MED27: variants seen among roughly 807,000 people sequenced by gnomAD.
MED27 encodes the protein mediator of RNA polymerase II transcription subunit 27.
MED27 carries 30 observed loss-of-function variants against 38.2 expected under a neutral mutation model. That is an observed-to-expected ratio of 0.79 (90% CI 0.59 to 1.07). MED27 has a LOEUF of 1.07. Ranked by LOEUF, MED27 falls within the 50% of genes least tolerant of loss-of-function variation. The pLI is 0.00. For synonymous variants in MED27, 122 were observed against 153.5 expected (o/e 0.79, Z 1.52); for missense variants, 289 against 397.5 (o/e 0.73, Z 2.32).
At chr9:132,069,903 T>C (rs150236616) in intron 2 of MED27, among the ~76,000 whole-genome samples, 2 of 152,342 alleles carry the variant, frequency 1.3e-5, no homozygotes, top group Non-Finnish European at 2.9e-5. Context: ...TTCTCCTGAC[T>C]GCACACCGCC....
chr9:132,068,891 C>T (rs970249240), intron 2 of MED27, among the ~76,000 whole-genome samples: 1 of 152,138 alleles, frequency 6.6e-6, no homozygotes, highest in South Asian at 2.1e-4. Flanking sequence ...TGAGATGGCC[C>T]AGAGAAGGGA....
chr9:131,973,458 T>TTTC (rs1491296571), intron 3 of MED27, among the ~76,000 whole-genome samples: 55 of 54,544 alleles, frequency 1.0e-3, no homozygotes, highest in African/African-American at 5.1e-3. Flanking sequence ...TTTTCTTTTC[T>TTTC]TTTTTTTTTT....
At chr9:131,898,987 C>T (rs1302842181) in intron 4 of MED27, among the ~76,000 whole-genome samples, 2 of 152,210 alleles carry the variant, frequency 1.3e-5, no homozygotes, top group African/African-American at 4.8e-5. Context: ...GGCCTAGCTA[C>T]CTACCTTCTC....
chr9:132,046,710 G>C (rs1420657812), intron 2 of MED27, among the ~76,000 whole-genome samples: 2 of 152,132 alleles, frequency 1.3e-5, no homozygotes, highest in African/African-American at 4.8e-5. Flanking sequence ...AAAATGTTGA[G>C]GGTAGAGAAA....
intron 2 of MED27, among the ~76,000 whole-genome samples, chr9:132,017,980 AG>A (rs1449763219): frequency 1.3e-5 from 2 of 152,194 alleles, no homozygotes; most frequent in African/African-American, 4.8e-5. Context: ...GTTGTCAGGC[AG>A]GGTCCTGACG....
intron 4 of MED27, among the ~76,000 whole-genome samples, chr9:131,899,810 G>A (rs146716345): frequency 8.7e-4 from 133 of 152,286 alleles, no homozygotes; most frequent in African/African-American, 3.0e-3. Flanking sequence ...AGTTTCTAAC[G>A]TATCTGCATG....
At chr9:131,965,699 C>A (rs777153336) in intron 3 of MED27, among the ~76,000 whole-genome samples, 4 of 152,008 alleles carry the variant, frequency 2.6e-5, no homozygotes, top group Non-Finnish European at 4.4e-5. Flanking sequence ...GTCTACATGT[C>A]GATTAAAGTC....
chr9:131,913,853 C>T lies in MED27; in HGVS notation c.574-19861G>A, dbSNP rs1830234586. Among the ~76,000 whole-genome samples, 1 of 152,184 alleles carries T rather than the reference C, an allele frequency of 6.6e-6. No individual in the cohort carries two copies. Among genetic ancestry groups the T allele is most frequent in the African/African-American group, 2.4e-5 (1 of 41,432 alleles). On this transcript the variant is annotated intron_variant, in intron 4 of 7. Transcript: ENST00000292035. The surrounding 1 kb of genome is among the most constrained non-coding windows in gnomAD (Gnocchi z 4.5). ...ATTCCCTGAGCCACTGGCGTGGTAC[C>T]AAACGCAGGACAGCACTCTGCCAGT...
At chr9:131,933,245 G>C (rs1009461969) in intron 4 of MED27, among the ~76,000 whole-genome samples, 16 of 152,076 alleles carry the variant, frequency 1.1e-4, no homozygotes, top group Admixed American at 3.9e-4. Context: ...CATAATACTG[G>C]AAGTCCTAGC....
At chr9:132,004,043 C>T (rs1000572772) in intron 3 of MED27, among the ~76,000 whole-genome samples, 2 of 152,064 alleles carry the variant, frequency 1.3e-5, no homozygotes, top group African/African-American at 4.8e-5. Flanking sequence ...CCAGGACTTC[C>T]TCCTAGCTTT....
chr9:132,008,555 A>G (rs2131068109), intron 3 of MED27, among the ~76,000 whole-genome samples: 1 of 152,322 alleles, frequency 6.6e-6, no homozygotes, highest in South Asian at 2.1e-4. Flanking sequence ...TTGGAGGGGG[A>G]GAAAGATATG....
At chr9:132,005,182 G>A (rs966171946) in intron 3 of MED27, among the ~76,000 whole-genome samples, 3 of 152,116 alleles carry the variant, frequency 2.0e-5, no homozygotes, top group African/African-American at 4.8e-5. Flanking sequence ...CTTCTCTGAC[G>A]CCTCAGATGA....
chr9:132,079,829 T>C lies in MED27; in HGVS notation c.16A>G (p.Asn6Asp). 1 of 1,598,006 alleles carries C rather than the reference T, an allele frequency of 6.3e-7. No individual in the cohort carries two copies. Among genetic ancestry groups the C allele is most frequent in the Non-Finnish European group, 8.5e-7 (1 of 1,172,188 alleles). ...AAGGCCTCCAGGTTCACACTGACAT[T>C]TATCACGTCCGCCATGTTGCCGCCG... MADVINVSVNLEAFSQ... is the reference protein window; with the variant it reads MADVIDVSVNLEAFSQ... Residue 6 changes from asparagine (N) to aspartate (D), a missense_variant, in exon 1 of 8, where the codon AAT becomes GAT. By Grantham distance (23) the Asn-to-Asp change is conservative. Coordinates refer to ENST00000292035, the MANE Select transcript of MED27 (RefSeq NM_004269.4).
At chr9:132,045,279 G>C (rs1470072797) in intron 2 of MED27, among the ~76,000 whole-genome samples, 3 of 152,020 alleles carry the variant, frequency 2.0e-5, no homozygotes, top group African/African-American at 7.3e-5. Flanking sequence ...CATATCTATC[G>C]ATACAAGAAA....
chr9:131,879,908 T>C (rs1008586601), intron 6 of MED27, among the ~76,000 whole-genome samples: 5 of 152,004 alleles, frequency 3.3e-5, no homozygotes, highest in African/African-American at 1.2e-4. Flanking sequence ...AAAAGCGGAG[T>C]TTAGAAACGT....
At chr9:131,867,109 T>C (rs1838749732) in intron 6 of MED27, among the ~76,000 whole-genome samples, 1 of 152,242 alleles carries the variant, frequency 6.6e-6, no homozygotes, top group Non-Finnish European at 1.5e-5. Context: ...TCAATTTCCC[T>C]ACCTTGAGCC....
intron 4 of MED27, among the ~76,000 whole-genome samples, chr9:131,899,759 G>A (rs890501449): frequency 2.6e-5 from 4 of 152,274 alleles, no homozygotes; most frequent in East Asian, 3.9e-4. Context: ...CCCTCACATC[G>A]CTCTACAATG....
chr9:132,028,048 C>T (rs916924189), intron 2 of MED27, among the ~76,000 whole-genome samples: 4 of 152,170 alleles, frequency 2.6e-5, no homozygotes, highest in African/African-American at 7.2e-5. Flanking sequence ...GGACAACCTA[C>T]GTGCTCCGGC....
intron 4 of MED27, among the ~76,000 whole-genome samples, chr9:131,921,811 G>A (rs906562379): frequency 3.3e-5 from 5 of 152,158 alleles, no homozygotes; most frequent in African/African-American, 1.2e-4. Flanking sequence ...AGAAAATGTG[G>A]TACATACACA....
Sources: gnomAD v4.1 joint callset for allele counts (sites outside exome capture counted in the v4.1 genomes callset) on GRCh38, gnomAD v4.1.1 for gene constraint, Gnocchi (gnomAD v3.1) non-coding constraint, MANE v1.5 for transcripts, NCBI Gene and HGNC (gene_info 2026-07-23, HGNC 2026-07-21) for gene names.